LRRC4C: variants seen among roughly 807,000 people sequenced by gnomAD.
LRRC4C encodes the protein leucine-rich repeat-containing protein 4C.
Under a neutral mutation model 33.6 loss-of-function variants are expected in LRRC4C, and 5 were observed. That is an observed-to-expected ratio of 0.15 (90% CI 0.08 to 0.31). The LOEUF is 0.31. Among genes scored for constraint, LRRC4C ranks in the 10% least tolerant of loss-of-function variants. LRRC4C has a pLI of 1.00. For synonymous variants in LRRC4C, 329 were observed against 302.0 expected (o/e 1.09, Z -0.93); for missense variants, 560 against 796.7 (o/e 0.70, Z 3.58).
At chr11:40,988,713 C>CTTTT (rs869034558) in intron 1 of LRRC4C, among the ~76,000 whole-genome samples, 11 of 57,750 alleles carry the variant, frequency 1.9e-4, no homozygotes, top group Non-Finnish European at 3.3e-4. Context: ...CTTTTCTTTT[C>CTTTT]TTTTTTTTTT....
chr11:40,358,728 G>A, intron 3 of LRRC4C, among the ~76,000 whole-genome samples: 1 of 151,900 alleles, frequency 6.6e-6, no homozygotes, highest in East Asian at 1.9e-4. Context: ...AGACTCACTG[G>A]GCATTTTTCT....
chr11:40,936,308 A>ATTAT (rs1465128883), intron 1 of LRRC4C, among the ~76,000 whole-genome samples: 1 of 149,932 alleles, frequency 6.7e-6, no homozygotes, highest in African/African-American at 2.4e-5. Flanking sequence ...AATGAATTTA[A>ATTAT]TAATAGCAAC....
At chr11:41,003,366 A>G (rs756929462) in intron 1 of LRRC4C, among the ~76,000 whole-genome samples, 1 of 152,206 alleles carries the variant, frequency 6.6e-6, no homozygotes, top group Non-Finnish European at 1.5e-5. Flanking sequence ...ACTATAATTC[A>G]AATAACATAC....
intron 1 of LRRC4C, among the ~76,000 whole-genome samples, chr11:41,049,017 G>A (rs549306129): frequency 3.3e-5 from 5 of 152,222 alleles, no homozygotes; most frequent in Admixed American, 6.5e-5. Flanking sequence ...TAGGTATGTA[G>A]AGCTTGGTAG....
chr11:40,336,340 T>G (rs895796136), intron 3 of LRRC4C, among the ~76,000 whole-genome samples: 2 of 152,098 alleles, frequency 1.3e-5, no homozygotes, highest in African/African-American at 2.4e-5. Flanking sequence ...GTGCACTATT[T>G]TGGGCCTGGC....
intron 1 of LRRC4C, among the ~76,000 whole-genome samples, chr11:41,396,719 G>T (rs1463601039): frequency 6.6e-6 from 1 of 151,944 alleles, no homozygotes; most frequent in Non-Finnish European, 1.5e-5. Flanking sequence ...ATTAAGACTA[G>T]TTCCTAAAAT....
At chr11:41,342,080 C>A (rs1951659482) in intron 1 of LRRC4C, among the ~76,000 whole-genome samples, 1 of 151,690 alleles carries the variant, frequency 6.6e-6, no homozygotes, top group East Asian at 1.9e-4. Flanking sequence ...GGCATTGAAG[C>A]CTTGTATCTT....
chr11:40,556,552 T>A (rs1957340322), intron 3 of LRRC4C, among the ~76,000 whole-genome samples: 1 of 152,186 alleles, frequency 6.6e-6, no homozygotes, highest in African/African-American at 2.4e-5. Flanking sequence ...GGCTCTGCAG[T>A]CCAACTGATC....
intron 4 of LRRC4C, among the ~76,000 whole-genome samples, chr11:40,311,189 T>C (rs371102459): frequency 4.0e-4 from 61 of 152,336 alleles, no homozygotes; most frequent in African/African-American, 1.4e-3. Context: ...CTCAGTGTGA[T>C]TGATATTTCT....
intron 2 of LRRC4C, among the ~76,000 whole-genome samples, chr11:40,667,577 G>T (rs763482465): frequency 2.6e-5 from 4 of 152,182 alleles, no homozygotes; most frequent in Admixed American, 6.5e-5. Flanking sequence ...ACTGTTGTGA[G>T]TCTCTTGTTA....
At chr11:40,127,228 A>G (rs1205793271) in intron 6 of LRRC4C, among the ~76,000 whole-genome samples, 2 of 152,082 alleles carry the variant, frequency 1.3e-5, no homozygotes, top group Admixed American at 1.3e-4. Flanking sequence ...GTCAGCCAAG[A>G]TTGTGCCACT....
At chr11:40,642,420 G>A (rs981710267) in intron 3 of LRRC4C, among the ~76,000 whole-genome samples, 2 of 152,160 alleles carry the variant, frequency 1.3e-5, no homozygotes, top group Admixed American at 6.5e-5. Flanking sequence ...TCAGCTGAAT[G>A]TGATCTCTCT....
chr11:40,931,818 G>T (rs1957640414), intron 2 of LRRC4C, among the ~76,000 whole-genome samples: 1 of 152,010 alleles, frequency 6.6e-6, no homozygotes, highest in African/African-American at 2.4e-5. Context: ...TTTGTAGCAG[G>T]ATATTCTATT....
At chr11:40,529,939 T>C (rs1956207626) in intron 3 of LRRC4C, among the ~76,000 whole-genome samples, 1 of 152,082 alleles carries the variant, frequency 6.6e-6, no homozygotes, top group Non-Finnish European at 1.5e-5. Flanking sequence ...CTGCGTGTTG[T>C]GCTCATGTAC....
intron 1 of LRRC4C, among the ~76,000 whole-genome samples, chr11:40,962,542 G>A (rs571162570): frequency 2.0e-5 from 3 of 151,758 alleles, no homozygotes; most frequent in African/African-American, 4.8e-5. Context: ...ACTTAAATAC[G>A]GATAAAATCA....
chr11:41,107,058 ATTT>A lies in LRRC4C; in HGVS notation c.-495-173338_-495-173336del, dbSNP rs3979485. ...GAGACCAGAAGCGTTTTAGGTTTTGATTTTTTTTTTTTTTTTTGAATTTTGGAA... is the reference window on the plus strand; with the variant it reads ...GAGACCAGAAGCGTTTTAGGTTTTGATTTTTTTTTTTTTTGAATTTTGGAA... On this transcript the variant is annotated intron_variant, in intron 1 of 6. Transcript: ENST00000528697. Among the ~76,000 whole-genome samples the A allele has an allele frequency of 4.5e-3, 637 of 141,014 alleles. 3 individuals are homozygous for A. The highest frequency in any genetic ancestry group is 0.012 in the East Asian group (56 of 4,764). The allele number at this position is 141,014 out of a possible 152,430, so 92.5% of individuals were successfully genotyped here. A position where few individuals can be genotyped will look rare whatever the true frequency, so the allele number is the denominator to read the frequency against.
chr11:41,414,712 G>T (rs928474430), intron 1 of LRRC4C, among the ~76,000 whole-genome samples: 13 of 151,942 alleles, frequency 8.6e-5, no homozygotes, highest in Admixed American at 3.3e-4. Context: ...GGGGAGTAAA[G>T]GTTCAATTCT....
intron 1 of LRRC4C, among the ~76,000 whole-genome samples, chr11:41,047,299 GC>G (rs1184203947): frequency 1.3e-5 from 2 of 151,990 alleles, no homozygotes; most frequent in African/African-American, 4.8e-5. Flanking sequence ...ACCACAAGAT[GC>G]CACATAACAT....
At chr11:41,442,468 T>TTTTC (rs3040490) in intron 1 of LRRC4C, among the ~76,000 whole-genome samples, 46,040 of 106,128 alleles carry the variant, frequency 0.43, 10,940 homozygotes, top group Non-Finnish European at 0.47. Context: ...CTTTTTTTTT[T>TTTTC]TTTTTTTTTT....
Sources: allele counts gnomAD v4.1 joint callset (sites outside exome capture counted in the v4.1 genomes callset), GRCh38; gene constraint gnomAD v4.1.1; transcripts MANE v1.5; gene names NCBI Gene and HGNC (gene_info 2026-07-23, HGNC 2026-07-21).